Variants in CNKSR3 observed in about 807,000 individuals in gnomAD.
CNKSR3 encodes CNKSR family member 3.
A neutral mutation model predicts 67.7 loss-of-function variants in CNKSR3; 36 were observed. The observed-to-expected ratio is 0.53, with a 90% CI of 0.41 to 0.70. CNKSR3 has a LOEUF of 0.70. Ranked by LOEUF, CNKSR3 falls within the 30% of genes least tolerant of loss-of-function variation. The probability of loss-of-function intolerance (pLI) is 0.00; values close to 1 mark genes in which losing one functional copy is unlikely to be tolerated. For synonymous variants in CNKSR3, 281 were observed against 271.4 expected (o/e 1.04, Z -0.35); for missense variants, 630 against 695.2 (o/e 0.91, Z 1.05).
chr6:154,414,434 A>G lies in CNKSR3; in HGVS notation c.946-11T>C. On this transcript the variant is annotated splice_polypyrimidine_tract_variant and intron_variant, in intron 9 of 12. Coordinates refer to ENST00000607772, the MANE Select transcript of CNKSR3 (RefSeq NM_173515.4). ...GGGTGGAGGTGAGGTCTGAAACAGG[A>G]GTAACACAGCAATGCAAAGAGTGGA... 2 of 1,577,336 alleles carry G rather than the reference A, an allele frequency of 1.3e-6. No individual in the cohort carries two copies. The highest frequency in any genetic ancestry group is 1.7e-6 in the Non-Finnish European group (2 of 1,164,844).
At chr6:154,442,545 C>T (rs1354854283) in intron 2 of CNKSR3, among the ~76,000 whole-genome samples, 2 of 152,144 alleles carry the variant, frequency 1.3e-5, no homozygotes, top group Admixed American at 6.5e-5. Context: ...TGGCGTGAAC[C>T]CGGGAGGCAG....
intron 1 of CNKSR3, among the ~76,000 whole-genome samples, chr6:154,471,752 C>T (rs1229811932): frequency 6.6e-6 from 1 of 152,158 alleles, no homozygotes; most frequent in Non-Finnish European, 1.5e-5. Flanking sequence ...AGTTCCCTGT[C>T]ACGTTTGTGT....
intron 9 of CNKSR3, among the ~76,000 whole-genome samples, chr6:154,421,177 C>T (rs1020788135): frequency 6.6e-6 from 1 of 152,196 alleles, no homozygotes; most frequent in African/African-American, 2.4e-5. Context: ...CCACGCTCAA[C>T]TACTTTTTGT....
At chr6:154,424,100 C>T (rs548571337) in intron 7 of CNKSR3, among the ~76,000 whole-genome samples, 28 of 152,048 alleles carry the variant, frequency 1.8e-4, no homozygotes, top group African/African-American at 6.0e-4. Context: ...GGCATGGTGG[C>T]GGGCGCCTGT....
At chr6:154,500,589 ATATAT>A (rs1480541056) in intron 1 of CNKSR3, among the ~76,000 whole-genome samples, 1 of 152,102 alleles carries the variant, frequency 6.6e-6, no homozygotes, top group African/African-American at 2.4e-5. Flanking sequence ...TGGAGAAGTG[ATATAT>A]TATGTGTTTA....
intron 1 of CNKSR3, among the ~76,000 whole-genome samples, chr6:154,508,968 C>G (rs978641129): frequency 6.6e-6 from 1 of 152,188 alleles, no homozygotes; most frequent in African/African-American, 2.4e-5. Context: ...CCAGTATTAC[C>G]TACCTCACAG....
intron 1 of CNKSR3, among the ~76,000 whole-genome samples, chr6:154,506,577 T>G (rs1043845669): frequency 2.0e-5 from 3 of 152,218 alleles, no homozygotes; most frequent in African/African-American, 7.2e-5. Context: ...GCCGCCACCT[T>G]GCACTGAAGC....
intron 1 of CNKSR3, among the ~76,000 whole-genome samples, chr6:154,505,715 T>C (rs550002232): frequency 2.0e-5 from 3 of 148,972 alleles, no homozygotes; most frequent in Admixed American, 6.6e-5. Context: ...TTGGTCAGGA[T>C]GGTCTCGATC....
chr6:154,437,663 G>A lies in CNKSR3; in HGVS notation c.507+3629C>T, dbSNP rs151078538. Among the ~76,000 whole-genome samples, 1,235 of 152,076 alleles carry A rather than the reference G, an allele frequency of 8.1e-3. 9 individuals are homozygous for A. Among genetic ancestry groups the A allele is most frequent in the Admixed American group, 0.013 (202 of 15,278 alleles). On this transcript the variant is annotated intron_variant, in intron 4 of 12. Transcript: ENST00000607772. The stretch of plus-strand genomic sequence containing the variant: ...ACTCCTGACCTCAGGTGATCTACCC[G>A]CCCTGGCCTCCCAAAGTTCAGGGAT...
At chr6:154,465,676 A>G (rs1786182839) in intron 1 of CNKSR3, among the ~76,000 whole-genome samples, 1 of 152,226 alleles carries the variant, frequency 6.6e-6, no homozygotes, top group South Asian at 2.1e-4. Context: ...TTTATATAAC[A>G]GGAAATTATA....
In CNKSR3 at chr6:154,406,620, C is replaced by G; in HGVS notation, c.1402G>C (p.Glu468Gln). Residue 468 changes from glutamate to glutamine, a missense_variant, in exon 13 of 13, where the codon GAG (glutamate) becomes CAG (glutamine). Transcript: ENST00000607772. Reference protein sequence around the residue: ...EDALCRYFSNERIPPIIEESS... With the variant: ...EDALCRYFSNQRIPPIIEESS... ...TCTTCAATGATCGGAGGAATCCGCT[C>G]GTTACTGAAATACCGGCAAAGGGCA... is the stretch of plus-strand genomic sequence containing the variant. The G allele has an allele frequency of 6.2e-7, 1 of 1,613,734 alleles. No homozygotes were observed. Among genetic ancestry groups the G allele is most frequent in the Non-Finnish European group, 8.5e-7 (1 of 1,179,688 alleles).
At chr6:154,415,296 T>C (rs1785002488) in intron 9 of CNKSR3, among the ~76,000 whole-genome samples, 1 of 143,492 alleles carries the variant, frequency 7.0e-6, no homozygotes, top group African/African-American at 2.6e-5. Context: ...AGTGGCGCCA[T>C]CTTGGCTCAC....
chr6:154,467,537 G>A (rs559809354), intron 1 of CNKSR3, among the ~76,000 whole-genome samples: 3 of 152,226 alleles, frequency 2.0e-5, no homozygotes, highest in South Asian at 4.1e-4. Context: ...AGTGACTTAA[G>A]CAAGAAGCAT....
At chr6:154,466,733 C>T (rs1786207843) in intron 1 of CNKSR3, among the ~76,000 whole-genome samples, 1 of 152,020 alleles carries the variant, frequency 6.6e-6, no homozygotes, top group Non-Finnish European at 1.5e-5. Context: ...GATCCTCCTG[C>T]CTCATCCTCC....
intron 2 of CNKSR3, among the ~76,000 whole-genome samples, chr6:154,443,596 C>T (rs1158412501): frequency 6.6e-6 from 1 of 152,148 alleles, no homozygotes; most frequent in Non-Finnish European, 1.5e-5. Flanking sequence ...GTATTTCCAG[C>T]ACAGTGGACA....
intron 4 of CNKSR3, 33 bp downstream of exon 4, chr6:154,441,259 A>T: frequency 7.8e-7 from 1 of 1,276,170 alleles, no homozygotes; most frequent in Non-Finnish European, 1.1e-6. Context: ...AAAAAAAAAA[A>T]AAAAAAGAAA....
chr6:154,452,921 G>C (rs1199661998), intron 1 of CNKSR3, among the ~76,000 whole-genome samples: 1 of 152,244 alleles, frequency 6.6e-6, no homozygotes, highest in Non-Finnish European at 1.5e-5. Context: ...ATGGTGATGA[G>C]ATAAATTTCT....
chr6:154,437,272 G>C (rs74482107), intron 4 of CNKSR3, among the ~76,000 whole-genome samples: 1 of 152,062 alleles, frequency 6.6e-6, no homozygotes, highest in Non-Finnish European at 1.5e-5. Context: ...CCCCTGGCAC[G>C]TTCAATCTCA....
chr6:154,473,747 A>G (rs570371554), intron 1 of CNKSR3, among the ~76,000 whole-genome samples: 2 of 152,102 alleles, frequency 1.3e-5, no homozygotes, highest in South Asian at 4.2e-4. Context: ...TGTGCAACTT[A>G]GACAATCACT....
Sources: allele counts gnomAD v4.1 joint callset (sites outside exome capture counted in the v4.1 genomes callset), GRCh38; gene constraint gnomAD v4.1.1; transcripts MANE v1.5; gene names NCBI Gene and HGNC (gene_info 2026-07-23, HGNC 2026-07-21).